The following AGRN variants were observed in gnomAD, a reference collection of about 807,000 sequenced individuals.
AGRN encodes agrin.
In AGRN, 106 loss-of-function variants were observed where a neutral mutation model predicts 211.0. The ratio of observed to expected loss-of-function variants is 0.50; its 90% CI spans 0.43 to 0.59. The LOEUF (loss-of-function observed/expected upper bound fraction) is 0.59. Among genes scored for constraint, AGRN ranks in the 20% least tolerant of loss-of-function variants. The pLI is 0.00. For synonymous variants in AGRN, 1,525 were observed against 1,332.5 expected (o/e 1.14, Z -3.15); for missense variants, 3,040 against 2,982.6 (o/e 1.02, Z -0.45).
chr1:1,053,678 C>T (rs1645372799), intron 33 of AGRN, 75 bp from the exon 34 acceptor site: 2 of 1,514,844 alleles, frequency 1.3e-6, no homozygotes, highest in African/African-American at 1.4e-5. Context: ...CAGCTGGGGC[C>T]CTTGTCCTCC....
chr1:1,054,682 G>A (rs530112498), intron 35 of AGRN, 131 bp downstream of exon 35: 27 of 1,480,724 alleles, frequency 1.8e-5, no homozygotes, highest in African/African-American at 4.2e-5. Context: ...CTCTTCTCCC[G>A]CTGTAGCCCC....
At chr1:1,036,686 C>T (rs1244573233) in intron 3 of AGRN, among the ~76,000 whole-genome samples, 1 of 152,140 alleles carries the variant, frequency 6.6e-6, no homozygotes, top group Non-Finnish European at 1.5e-5. Flanking sequence ...TGTTGGCCCC[C>T]AGCCCCTGAT....
rs545480280 is a variant in AGRN at position 1,037,564 on chromosome 1, C to T, written c.511+2240C>T. Among the ~76,000 whole-genome samples the T allele has an allele frequency of 7.2e-5, 11 of 151,890 alleles. No individual in the cohort carries two copies. In the East Asian group the frequency reaches 1.9e-3, roughly 27 times the overall value. On this transcript the variant is annotated intron_variant, in intron 3 of 35. Coordinates refer to ENST00000379370, the MANE Select transcript of AGRN (RefSeq NM_198576.4). Reference sequence around the variant, plus strand: ...CAGCGTTGCACACAGTGGGAGGACCCGTCACGCTGCGGGAGAGTGGGTGGG... The same window carrying T: ...CAGCGTTGCACACAGTGGGAGGACCTGTCACGCTGCGGGAGAGTGGGTGGG...
At chr1:1,042,231 A>G in intron 7 of AGRN, 69 bp downstream of exon 7, 3 of 1,499,400 alleles carry the variant, frequency 2.0e-6, no homozygotes, top group Non-Finnish European at 2.7e-6. Context: ...TGGACATCAC[A>G]TGCCATCTTC....
chr1:1,041,563 C>G lies in AGRN; in HGVS notation c.1038C>G (p.Pro346=). 3 of 1,609,494 alleles carry G rather than the reference C, an allele frequency of 1.9e-6. No individual in the cohort carries two copies. The highest frequency in any genetic ancestry group is 1.7e-5 in the Admixed American group (1 of 59,956). The change falls in exon 6 of 36, where the codon CCC becomes CCG. Residue 346 remains proline, a synonymous_variant. Coordinates refer to ENST00000379370, the MANE Select transcript of AGRN (RefSeq NM_198576.4). ...RTRRPEMLLR[P]ESCPARQAPV... ...GGCGCCCTGAGATGCTCCTACGGCC[C>G]GAGAGCTGCCCTGCCCGGCAGGCGC...
chr1:1,032,618 C>T lies in AGRN; in HGVS notation c.464-2659C>T, dbSNP rs1405700078. ...GGCACTGGTGGCTGCCGGCAGCTGT[C>T]GTCTGCAGAGTGGGTGAGACCGAGT... On this transcript the variant is annotated intron_variant, in intron 2 of 35. Coordinates refer to ENST00000379370, the MANE Select transcript of AGRN (RefSeq NM_198576.4). This position sits in a 1 kb window ranked among gnomAD's most constrained non-coding sequence, Gnocchi z 4.7. 5.3e-5 allele frequency among the ~76,000 whole-genome samples: 8 copies of T among 152,092 alleles called. No individual in the cohort carries two copies. The highest frequency in any genetic ancestry group is 8.8e-5 in the Non-Finnish European group (6 of 68,020).
intron 1 of AGRN, among the ~76,000 whole-genome samples, chr1:1,021,614 C>A (rs963830376): frequency 6.6e-6 from 1 of 152,260 alleles, no homozygotes; most frequent in African/African-American, 2.4e-5. Flanking sequence ...TTACCACAGG[C>A]CACCGTCAGA....
At position 1,048,999 on chromosome 1, in the gene AGRN, G is replaced by A. The variant is rs2100673336; in HGVS notation, c.4238G>A (p.Gly1413Asp). 11 of 1,580,936 alleles carry A rather than the reference G, an allele frequency of 7.0e-6. No homozygotes were observed. The South Asian group carries it at 8.1e-5, about 12-fold the overall frequency. ...CCTCAGGGGCTGCTGCTGTACAATG[G>A]CAACGCCCGGGGCAAGGACTTCCTG... Reference protein sequence around the residue: ...LEPQGLLLYNGNARGKDFLAL... With the variant: ...LEPQGLLLYNDNARGKDFLAL... Residue 1413 changes from glycine (G) to aspartate (D), a missense_variant, in exon 24 of 36, where the codon GGC becomes GAC. Physicochemically the swap from Gly to Asp is moderately conservative, Grantham distance 94. Around this residue, in one of 3 missense-constraint regions of AGRN, gnomAD observed 1,537 missense variants for 1,505.0 expected, o/e 1.02. Transcript: ENST00000379370. The surrounding 1 kb of genome is among the most constrained non-coding windows in gnomAD (Gnocchi z 5.9).
At chr1:1,053,502 G>C (rs569553597) in intron 33 of AGRN, 1 of 1,520,952 alleles carries the variant, frequency 6.6e-7, no homozygotes, top group South Asian at 1.2e-5. Context: ...AGGTGAGCAC[G>C]TGGCAGCAGT....
chr1:1,029,709 CAT>C (rs1553172589), intron 2 of AGRN, among the ~76,000 whole-genome samples: 1 of 62,690 alleles, frequency 1.6e-5, no homozygotes, highest in African/African-American at 5.7e-5. Flanking sequence ...GCTGTGAGAT[CAT>C]GTGTGTGTGC....
At chr1:1,045,589 G>A in intron 14 of AGRN, 66 bp downstream of exon 14, 2 of 1,604,896 alleles carry the variant, frequency 1.2e-6, no homozygotes, top group Non-Finnish European at 1.7e-6. Flanking sequence ...CCATCACTGT[G>A]CTTCTCCTCA....
chr1:1,051,538 C>T lies in AGRN; in HGVS notation c.5456C>T (p.Thr1819Ile), dbSNP rs72900459. ...ACGTCCTTTGCAGGTCACCCCTGCA[C>T]CCGGGCCTCAGGCCACCCCTGCCTC... The part of the protein sequence containing the change: ...DVTSFAGHPC[T>I]RASGHPCLNG... The change falls in exon 32 of 36, where the codon ACC becomes ATC. Residue 1819 changes from threonine to isoleucine, a missense_variant. Coordinates refer to ENST00000379370, the MANE Select transcript of AGRN (RefSeq NM_198576.4). 124 of 1,567,284 alleles carry T rather than the reference C, an allele frequency of 7.9e-5. No homozygotes were observed. The African/African-American group carries it at 1.5e-3, about 19-fold the overall frequency.
At chr1:1,054,578 G>A in intron 35 of AGRN, 27 bp downstream of exon 35, 2 of 1,562,616 alleles carry the variant, frequency 1.3e-6, no homozygotes, top group Non-Finnish European at 1.7e-6. Context: ...GACTAGAGAG[G>A]GATGCCCAAG....
chr1:1,047,479 C>G (rs768166139), intron 20 of AGRN, 25 bp downstream of exon 20: 2 of 1,612,822 alleles, frequency 1.2e-6, no homozygotes, highest in African/African-American at 2.7e-5. Flanking sequence ...CAGCCCCCAC[C>G]TACCCACTGG....
chr1:1,037,966 C>T (rs1232875022), intron 3 of AGRN, among the ~76,000 whole-genome samples: 1 of 152,142 alleles, frequency 6.6e-6, no homozygotes, highest in Non-Finnish European at 1.5e-5. Context: ...AGACTCAGCA[C>T]AGTGGTGGGA....
At chr1:1,025,390 G>C (rs1379962650) in intron 2 of AGRN, among the ~76,000 whole-genome samples, 3 of 152,178 alleles carry the variant, frequency 2.0e-5, no homozygotes, top group Non-Finnish European at 4.4e-5. Context: ...ACGGCACCGG[G>C]GACAGCATCG....
intron 35 of AGRN, 27 bp from the exon 36 acceptor site, chr1:1,054,797 G>A (rs201623286): frequency 3.8e-5 from 58 of 1,546,528 alleles, no homozygotes; most frequent in East Asian, 3.4e-4. Flanking sequence ...AGTCACAGCC[G>A]GGTGACTCCC....
intron 12 of AGRN, 70 bp from the exon 13 acceptor site, chr1:1,045,091 G>A: frequency 6.6e-7 from 1 of 1,518,056 alleles, no homozygotes; most frequent in Non-Finnish European, 9.1e-7. Flanking sequence ...GTAGGTGGAG[G>A]CAGACTGGCT....
At chr1:1,045,076 T>C (rs1645052873) in intron 12 of AGRN, 85 bp from the exon 13 acceptor site, 10 of 1,420,072 alleles carry the variant, frequency 7.0e-6, no homozygotes, top group African/African-American at 1.4e-5. Context: ...GTGGTGACAG[T>C]GGGGGTAGGT....
Sources: allele counts gnomAD v4.1 joint callset (sites outside exome capture counted in the v4.1 genomes callset), GRCh38; gene constraint gnomAD v4.1.1; regional missense constraint gnomAD v4.1.1; non-coding constraint Gnocchi (gnomAD v3.1); transcripts MANE v1.5; gene names NCBI Gene and HGNC (gene_info 2026-07-23, HGNC 2026-07-21).